The following FOXP1 variants were observed in gnomAD, a reference collection of about 807,000 sequenced individuals.
FOXP1 encodes the protein forkhead box protein P1.
A neutral mutation model predicts 98.2 loss-of-function variants in FOXP1; 15 were observed. The ratio of observed to expected loss-of-function variants is 0.15; its 90% CI spans 0.10 to 0.24. FOXP1 has a LOEUF of 0.24. Ranked by LOEUF, FOXP1 falls within the 10% of genes least tolerant of loss-of-function variation. The pLI is 1.00. For synonymous variants in FOXP1, 371 were observed against 314.5 expected (o/e 1.18, Z -1.90); for missense variants, 633 against 848.5 (o/e 0.75, Z 3.15).
chr3:71,529,294 T>G (rs1237663044), intron 2 of FOXP1, among the ~76,000 whole-genome samples: 1 of 152,212 alleles, frequency 6.6e-6, no homozygotes, highest in Admixed American at 6.5e-5. Context: ...GAGTCAAAAT[T>G]TGAAAGAAAG....
chr3:70,977,887 T>C lies in FOXP1; in HGVS notation c.1289A>G (p.His430Arg). 6.2e-7 allele frequency: 1 copy of C among 1,614,164 alleles called. No homozygotes were observed. The highest frequency in any genetic ancestry group is 8.5e-7 in the Non-Finnish European group (1 of 1,180,030). ...GPSVITTTSM[H>R]TVGPIRRRYS... ...CCGCCTGCGGATGGGTCCCACCGTG[T>C]GCATGCTGGTGGTTGTGATGACAGA... Residue 430 changes from histidine to arginine, a missense_variant, in exon 15 of 21, where the codon CAC becomes CGC. His to Arg is a conservative substitution (Grantham distance 29). Transcript: ENST00000649528.
intron 2 of FOXP1, among the ~76,000 whole-genome samples, chr3:71,504,392 C>G (rs932344035): frequency 6.6e-6 from 1 of 152,152 alleles, no homozygotes; most frequent in South Asian, 2.1e-4. Flanking sequence ...GGTGACTCAG[C>G]GGGAAATGGG....
At chr3:71,184,507 T>A (rs1400247684) in intron 6 of FOXP1, among the ~76,000 whole-genome samples, 1 of 152,206 alleles carries the variant, frequency 6.6e-6, no homozygotes, top group Non-Finnish European at 1.5e-5. Context: ...TACAGATTGC[T>A]TTATATGACC....
intron 2 of FOXP1, among the ~76,000 whole-genome samples, chr3:71,502,001 A>G (rs113454724): frequency 6.6e-6 from 1 of 152,338 alleles, no homozygotes; most frequent in Non-Finnish European, 1.5e-5. Flanking sequence ...GGAACACAGA[A>G]GGTTGGGAGG....
intron 11 of FOXP1, among the ~76,000 whole-genome samples, chr3:71,019,824 G>C (rs978405092): frequency 1.4e-5 from 2 of 146,662 alleles, no homozygotes; most frequent in African/African-American, 5.4e-5. Context: ...ATGACAGAGC[G>C]AGACACGGTC....
At chr3:70,972,091 C>G in intron 18 of FOXP1, 1 of 1,528,990 alleles carries the variant, frequency 6.5e-7, no homozygotes, top group Non-Finnish European at 8.7e-7. Flanking sequence ...CACGTTTAAA[C>G]TCTTCATCAT....
chr3:71,277,990 A>T (rs952744363), intron 5 of FOXP1, among the ~76,000 whole-genome samples: 5 of 152,132 alleles, frequency 3.3e-5, no homozygotes, highest in African/African-American at 9.7e-5. Flanking sequence ...ATGTGATCAA[A>T]GCATGAGAAA....
At chr3:71,431,233 G>C (rs182009019) in intron 3 of FOXP1, among the ~76,000 whole-genome samples, 1 of 152,220 alleles carries the variant, frequency 6.6e-6, no homozygotes, top group South Asian at 2.1e-4. Flanking sequence ...TTCAGTGGCC[G>C]TTCTCTGGTT....
intron 3 of FOXP1, among the ~76,000 whole-genome samples, chr3:71,450,345 A>G (rs1167817898): frequency 6.6e-6 from 1 of 152,222 alleles, no homozygotes; most frequent in East Asian, 1.9e-4. Context: ...GAATGGGACG[A>G]CAATGAACTT....
intron 7 of FOXP1, among the ~76,000 whole-genome samples, chr3:71,107,812 G>A (rs564009790): frequency 2.6e-5 from 4 of 152,166 alleles, no homozygotes; most frequent in South Asian, 2.1e-4. Flanking sequence ...GATTATATGC[G>A]GCATTAATGC....
At chr3:71,520,258 T>C (rs148273427) in intron 2 of FOXP1, among the ~76,000 whole-genome samples, 2 of 152,276 alleles carry the variant, frequency 1.3e-5, no homozygotes, top group African/African-American at 2.4e-5. Flanking sequence ...TTTTGAAAAA[T>C]AGATCATTTT....
chr3:71,129,626 G>C (rs1306592785), intron 6 of FOXP1, among the ~76,000 whole-genome samples: 1 of 152,086 alleles, frequency 6.6e-6, no homozygotes, highest in Non-Finnish European at 1.5e-5. Context: ...CAATTAAACT[G>C]AAGTTGGGGG....
intron 2 of FOXP1, among the ~76,000 whole-genome samples, chr3:71,568,113 G>C (rs1420454767): frequency 6.6e-6 from 1 of 151,366 alleles, no homozygotes; most frequent in Admixed American, 6.6e-5. Context: ...AAAAGGAAGG[G>C]AAGGGGAGGG....
chr3:71,130,679 A>C, intron 6 of FOXP1: 1 of 1,584,138 alleles, frequency 6.3e-7, no homozygotes, highest in Non-Finnish European at 8.5e-7. Context: ...AACACACTGG[A>C]ACATTGCCCT....
At chr3:71,352,470 C>CAAAAAAA (rs34693899) in intron 4 of FOXP1, among the ~76,000 whole-genome samples, 23 of 67,010 alleles carry the variant, frequency 3.4e-4, no homozygotes, top group Admixed American at 1.0e-3. Context: ...GACTCCATCT[C>CAAAAAAA]AAAAAAAAAA....
Position 71,420,933 on chromosome 3 carries a change from C to T in FOXP1, c.-167-61689G>A, listed in dbSNP as rs373395834. Among the ~76,000 whole-genome samples the T allele has an allele frequency of 6.6e-5, 10 of 152,160 alleles. No individual in the cohort carries two copies. In the East Asian group the frequency reaches 1.2e-3, roughly 18 times the overall value. Reference sequence around the variant, plus strand: ...CAGGCTACCATGTGAGTTCTACCTCCTGTCTTAACCCATGTCTGGTGAGCC... The same window carrying T: ...CAGGCTACCATGTGAGTTCTACCTCTTGTCTTAACCCATGTCTGGTGAGCC... On this transcript the variant is annotated intron_variant, in intron 3 of 20. Coordinates refer to ENST00000649528, the MANE Select transcript of FOXP1 (RefSeq NM_001349338.3).
At chr3:71,366,713 G>C (rs1303731321) in intron 3 of FOXP1, among the ~76,000 whole-genome samples, 1 of 152,102 alleles carries the variant, frequency 6.6e-6, no homozygotes, top group Non-Finnish European at 1.5e-5. Context: ...TTCCAGACTA[G>C]AAGTGTCTTG....
intron 3 of FOXP1, among the ~76,000 whole-genome samples, chr3:71,483,147 CT>C (rs2090411370): frequency 6.6e-6 from 1 of 152,100 alleles, no homozygotes; most frequent in Admixed American, 6.5e-5. Context: ...CCTTACGTCA[CT>C]TTTCAAAGTC....
chr3:71,408,175 G>T (rs976691296), intron 3 of FOXP1, among the ~76,000 whole-genome samples: 1 of 152,190 alleles, frequency 6.6e-6, no homozygotes, highest in Non-Finnish European at 1.5e-5. Flanking sequence ...GCAACTCGAA[G>T]ACTTTTAATT....
Sources: gnomAD v4.1 joint callset for allele counts (sites outside exome capture counted in the v4.1 genomes callset) on GRCh38, gnomAD v4.1.1 for gene constraint, MANE v1.5 for transcripts, NCBI Gene and HGNC (gene_info 2026-07-23, HGNC 2026-07-21) for gene names.